MRPS30: variants seen among roughly 807,000 people sequenced by gnomAD.
MRPS30 encodes large ribosomal subunit protein mL65.
Under a neutral mutation model 43.8 loss-of-function variants are expected in MRPS30, and 42 were observed. The ratio of observed to expected loss-of-function variants is 0.96; its 90% CI spans 0.75 to 1.24. The LOEUF is 1.24. Among genes scored for constraint, MRPS30 ranks in the 50% most tolerant of loss-of-function variants. MRPS30 has a pLI of 0.00. For synonymous variants in MRPS30, 273 were observed against 228.2 expected (o/e 1.20, Z -1.77); for missense variants, 638 against 570.0 (o/e 1.12, Z -1.22).
Position 44,815,345 on chromosome 5 carries a change from A to G in MRPS30, c.*143A>G. The G allele has an allele frequency of 1.4e-6, 1 of 706,868 alleles. No individual in the cohort carries two copies. Among genetic ancestry groups the G allele is most frequent in the Non-Finnish European group, 2.2e-6 (1 of 461,058 alleles). 43.8% of individuals were successfully genotyped at this position (706,868 alleles called of 1,614,324 possible). Reference sequence around the variant, plus strand: ...ATGTCAACCTGTTATTAGATCTCTTACTCTGCTCAAATTCATCACTGAAAG... The same window carrying G: ...ATGTCAACCTGTTATTAGATCTCTTGCTCTGCTCAAATTCATCACTGAAAG... On this transcript the variant is annotated 3_prime_UTR_variant, in exon 5 of 5. Coordinates refer to ENST00000507110, the MANE Select transcript of MRPS30 (RefSeq NM_016640.4).
At position 44,811,055 on chromosome 5, in the gene MRPS30, T is replaced by C; in HGVS notation, c.648T>C (p.Ile216=). The change falls in exon 2 of 5, where the codon ATT becomes ATC. Residue 216 remains isoleucine (I), a synonymous_variant. Coordinates refer to ENST00000507110, the MANE Select transcript of MRPS30 (RefSeq NM_016640.4). ...TTTACTGGGTGCGTGGTGAAGAAAT[T>C]ATTCCTCGTGGTCATCGAAGAGGTC... ...VHFYWVRGEE[I]IPRGHRRGRI... 1 of 1,614,090 alleles carries C rather than the reference T, an allele frequency of 6.2e-7. No homozygotes were observed.
chr5:44,811,144 A>G lies in MRPS30; in HGVS notation c.737A>G (p.Gln246Arg). Residue 246 changes from glutamine (Q) to arginine (R), a missense_variant, in exon 2 of 5, where the codon CAA (glutamine) becomes CGA (arginine). Physicochemically the swap from Gln to Arg is conservative, Grantham distance 43. Transcript: ENST00000507110. ...KPNNQIRISK[Q>R]LAEFVPLDYS... The stretch of plus-strand genomic sequence containing the variant: ...AACAACCAGATTCGAATATCCAAGC[A>G]ACTCGCAGAGGTAAGGATTTATTGC... 1 of 1,614,064 alleles carries G rather than the reference A, an allele frequency of 6.2e-7. No homozygotes were observed. Among genetic ancestry groups the G allele is most frequent in the South Asian group, 1.1e-5 (1 of 91,080 alleles).
At chr5:44,812,801 ACT>A (rs1742864625) in intron 3 of MRPS30, among the ~76,000 whole-genome samples, 1 of 152,248 alleles carries the variant, frequency 6.6e-6, no homozygotes, top group African/African-American at 2.4e-5. Flanking sequence ...GCTAATCATG[ACT>A]AAGGGATTTG....
intron 4 of MRPS30, among the ~76,000 whole-genome samples, chr5:44,814,074 G>C (rs905165722): frequency 3.3e-5 from 5 of 152,126 alleles, no homozygotes; most frequent in African/African-American, 1.2e-4. Flanking sequence ...GTGGGAACAG[G>C]CCTGAAATAT....
At position 44,813,120 on chromosome 5, in the gene MRPS30, G is replaced by C. The variant is rs1320987411; in HGVS notation, c.868G>C (p.Asp290His). The change falls in exon 4 of 5, where the codon GAT (aspartate) becomes CAT (histidine). Residue 290 changes from aspartate (D) to histidine (H), a missense_variant. Asp to His is a moderately conservative substitution (Grantham distance 81, BLOSUM62 -1). Coordinates refer to ENST00000507110, the MANE Select transcript of MRPS30 (RefSeq NM_016640.4). Reference protein sequence around the residue: ...NHIFVGSKTADPCCYGHTQFH... With the variant: ...NHIFVGSKTAHPCCYGHTQFH... The stretch of plus-strand genomic sequence containing the variant: ...TTGCTCTTCAGGCTCAAAAACTGCA[G>C]ATCCTTGCTGTTACGGTCACACCCA... 1.2e-6 allele frequency: 2 copies of C among 1,611,716 alleles called. No individual in the cohort carries two copies. The highest frequency in any genetic ancestry group is 1.7e-6 in the Non-Finnish European group (2 of 1,179,250).
Position 44,814,939 on chromosome 5 carries a change from C to G in MRPS30, c.1057C>G (p.Arg353Gly), listed in dbSNP as rs769313674. 33 of 1,611,482 alleles carry G rather than the reference C, an allele frequency of 2.0e-5. No individual in the cohort carries two copies. The highest frequency in any genetic ancestry group is 2.7e-5 in the Non-Finnish European group (32 of 1,178,832). The change falls in exon 5 of 5, where the codon CGA becomes GGA. Residue 353 changes from arginine to glycine, a missense_variant. Physicochemically the swap from Arg to Gly is moderately radical, Grantham distance 125 (BLOSUM62 -2). Coordinates refer to ENST00000507110, the MANE Select transcript of MRPS30 (RefSeq NM_016640.4). Reference protein sequence around the residue: ...QGFWSEADVTRPFVSQAVITD... With the variant: ...QGFWSEADVTGPFVSQAVITD... ...ATTCTGGAGTGAAGCAGATGTTACT[C>G]GACCTTTTGTCTCCCAGGCTGTGAT... is the stretch of plus-strand genomic sequence containing the variant.
At chr5:44,809,776 G>C (rs1561263649) in intron 1 of MRPS30, 2 of 552,390 alleles carry the variant, frequency 3.6e-6, no homozygotes, top group African/African-American at 3.8e-5. Context: ...ACACCTACCA[G>C]CTCTTCAACT....
At chr5:44,810,305 C>T (rs1425187739) in intron 1 of MRPS30, among the ~76,000 whole-genome samples, 1 of 152,218 alleles carries the variant, frequency 6.6e-6, no homozygotes, top group Non-Finnish European at 1.5e-5. Context: ...GGGGGTCAAA[C>T]TTCAAACTCC....
intron 3 of MRPS30, among the ~76,000 whole-genome samples, chr5:44,812,744 T>C (rs941069868): frequency 1.3e-5 from 2 of 152,102 alleles, no homozygotes; most frequent in African/African-American, 4.8e-5. Flanking sequence ...ATTAAAGTCT[T>C]GAAGTGGCTG....
rs1306090768 is a variant in MRPS30, at chr5:44,813,128, C to T, written c.876C>T (p.Cys292=). 22 of 1,612,594 alleles carry T rather than the reference C, an allele frequency of 1.4e-5. No individual in the cohort carries two copies. The highest frequency in any genetic ancestry group is 1.8e-5 in the Non-Finnish European group (21 of 1,179,466). The change falls in exon 4 of 5, where the codon TGC becomes TGT. Residue 292 remains cysteine (C), a synonymous_variant. Transcript: ENST00000507110. ...CAGGCTCAAAAACTGCAGATCCTTGCTGTTACGGTCACACCCAGTTTCATC... is the reference window on the plus strand; with the variant it reads ...CAGGCTCAAAAACTGCAGATCCTTGTTGTTACGGTCACACCCAGTTTCATC... ...IFVGSKTADP[C]CYGHTQFHLL...
rs370047537 is a variant in MRPS30 at position 44,811,170 on chromosome 5, G to A, written c.747+16G>A. Reference sequence around the variant, plus strand: ...ACTCGCAGAGGTAAGGATTTATTGCGATTATGTATCTATTGATATCTCGTG... The same window carrying A: ...ACTCGCAGAGGTAAGGATTTATTGCAATTATGTATCTATTGATATCTCGTG... On this transcript the variant is annotated intron_variant, in intron 2 of 4. Coordinates refer to ENST00000507110, the MANE Select transcript of MRPS30 (RefSeq NM_016640.4). The A allele has an allele frequency of 1.9e-5, 30 of 1,611,828 alleles. No individual in the cohort carries two copies. The highest frequency in any genetic ancestry group is 2.1e-5 in the Non-Finnish European group (25 of 1,178,354).
In MRPS30 at chr5:44,809,226, TATGAAGTAC is replaced by T. The variant is rs774189794; in HGVS notation, c.268_276del (p.Lys90_Met92del). The T allele has an allele frequency of 6.2e-7, 1 of 1,613,658 alleles. No homozygotes were observed. The highest frequency in any genetic ancestry group is 8.5e-7 in the Non-Finnish European group (1 of 1,179,914). On this transcript the variant is annotated inframe_deletion, in exon 1 of 5. Transcript: ENST00000507110. ...TGCGAATCCTCACCAAGATGCAGTT[TATGAAGTAC>T]ATGGTTTACCCGCAGACCTTCGCGC...
chr5:44,812,093 A>G lies in MRPS30; in HGVS notation c.853+73A>G, dbSNP rs1742849261. Reference sequence around the variant, plus strand: ...CGTATGCAAATTTGGAGTATTGACTACAATGAGGAATTAATTCTCGAAGAC... The same window carrying G: ...CGTATGCAAATTTGGAGTATTGACTGCAATGAGGAATTAATTCTCGAAGAC... On this transcript the variant is annotated intron_variant, in intron 3 of 4. Coordinates refer to ENST00000507110, the MANE Select transcript of MRPS30 (RefSeq NM_016640.4). 7.0e-6 allele frequency: 7 copies of G among 1,004,962 alleles called. No homozygotes were observed. The South Asian group carries it at 8.3e-5, about 12-fold the overall frequency. 62.3% of individuals were successfully genotyped at this position (1,004,962 alleles called of 1,614,324 possible). A position where few individuals can be genotyped will look rare whatever the true frequency, so the allele number is the denominator to read the frequency against.
chr5:44,815,504 A>G lies in MRPS30; in HGVS notation c.*302A>G. On this transcript the variant is annotated 3_prime_UTR_variant, in exon 5 of 5. Transcript: ENST00000507110. ...ATGCAGAAATCCCAAATAAAATGCT[A>G]ACATACTGAATTCAGTAATTAAAAG... 1 of 230,048 alleles carries G rather than the reference A, an allele frequency of 4.3e-6. No homozygotes were observed. Among genetic ancestry groups the G allele is most frequent in the South Asian group, 6.8e-5 (1 of 14,688 alleles). The allele number at this position is 230,048 out of a possible 1,614,324, so 14.3% of individuals were successfully genotyped here.
At position 44,809,079 on chromosome 5, in the gene MRPS30, C is replaced by T. The variant is rs1561261826; in HGVS notation, c.117C>T (p.Thr39=). The part of the protein sequence containing the change: ...TETTCQDVAA[T]PVARYPPIVA... Reference sequence around the variant, plus strand: ...CGACCTGCCAAGACGTCGCGGCGACCCCCGTCGCGCGGTACCCGCCGATTG... The same window carrying T: ...CGACCTGCCAAGACGTCGCGGCGACTCCCGTCGCGCGGTACCCGCCGATTG... Residue 39 remains threonine (T), a synonymous_variant, in exon 1 of 5, where the codon ACC becomes ACT. Transcript: ENST00000507110. 6 of 1,610,058 alleles carry T rather than the reference C, an allele frequency of 3.7e-6. No homozygotes were observed. In the South Asian group the frequency reaches 4.4e-5, roughly 12 times the overall value.
Position 44,808,962 on chromosome 5 carries a change from G to C in MRPS30, c.-1G>C, listed in dbSNP as rs1742764134. ...CTCTGGGTCCGGAATCGCGGGCAAA[G>C]ATGGCGGCGGCCAGGTGTTGGAGGC... On this transcript the variant is annotated 5_prime_UTR_variant, in exon 1 of 5. Coordinates refer to ENST00000507110, the MANE Select transcript of MRPS30 (RefSeq NM_016640.4). 6.3e-7 allele frequency: 1 copy of C among 1,590,486 alleles called. No individual in the cohort carries two copies. Among genetic ancestry groups the C allele is most frequent in the Non-Finnish European group, 8.5e-7 (1 of 1,169,788 alleles).
chr5:44,809,805 C>T (rs1742799844), intron 1 of MRPS30: 1 of 503,672 alleles, frequency 2.0e-6, no homozygotes, highest in African/African-American at 2.0e-5. Context: ...CTGAGCTCTC[C>T]AGGATTCCAG....
In MRPS30 at chr5:44,810,884, C is replaced by A. The variant is rs966327709; in HGVS notation, c.602-125C>A. 6 of 791,298 alleles carry A rather than the reference C, an allele frequency of 7.6e-6. No individual in the cohort carries two copies. The African/African-American group carries it at 1.0e-4, about 14-fold the overall frequency. The allele number at this position is 791,298 out of a possible 1,614,324, so 49.0% of individuals were successfully genotyped here. On this transcript the variant is annotated intron_variant, in intron 1 of 4. Coordinates refer to ENST00000507110, the MANE Select transcript of MRPS30 (RefSeq NM_016640.4). ...TCATAATAGTTAAATTACCACATAA[C>A]CCAGACTCTTACCTCAATCATTCCT...
chr5:44,815,008 A>T lies in MRPS30; in HGVS notation c.1126A>T (p.Thr376Ser), dbSNP rs201798833. The T allele has an allele frequency of 6.8e-6, 11 of 1,613,804 alleles. No individual in the cohort carries two copies. The highest frequency in any genetic ancestry group is 9.3e-6 in the Non-Finnish European group (11 of 1,179,728). The change falls in exon 5 of 5, where the codon ACT becomes TCT. Residue 376 changes from threonine to serine, a missense_variant. By Grantham distance (58) the Thr-to-Ser change is moderately conservative. Transcript: ENST00000507110. The stretch of plus-strand genomic sequence containing the variant: ...TTCCTTTTTCTGCTACCAGCTAAAT[A>T]CTTTGGCACTGACTACACAAGCTGA... ...YFSFFCYQLN[T>S]LALTTQADQN...
Sources: gnomAD v4.1 joint callset for allele counts (sites outside exome capture counted in the v4.1 genomes callset) on GRCh38, gnomAD v4.1.1 for gene constraint, MANE v1.5 for transcripts, NCBI Gene and HGNC (gene_info 2026-07-23, HGNC 2026-07-21) for gene names.